The following LMO7 variants were observed in gnomAD, a reference collection of about 807,000 sequenced individuals.
LMO7 encodes the protein LIM domain 7.
In LMO7, 120 loss-of-function variants were observed where a neutral mutation model predicts 206.5. That is an observed-to-expected ratio of 0.58 (90% CI 0.50 to 0.68). The LOEUF (loss-of-function observed/expected upper bound fraction) is 0.68, where lower values mean the gene tolerates loss of function less well. Among genes scored for constraint, LMO7 ranks in the 30% least tolerant of loss-of-function variants. The probability of loss-of-function intolerance (pLI) is 0.00; values close to 1 mark genes in which losing one functional copy is unlikely to be tolerated. For synonymous variants in LMO7, 706 were observed against 681.5 expected, an observed-to-expected ratio of 1.04 and a Z score of -0.56; for missense variants, 1,959 against 1,957.9, an observed-to-expected ratio of 1.00 and a Z score of -0.01.
At chr13:75,709,431 C>A (rs2042908298) in intron 1 of LMO7, among the ~76,000 whole-genome samples, 2 of 151,684 alleles carry the variant, frequency 1.3e-5, no homozygotes, top group Non-Finnish European at 2.9e-5. Context: ...AAAAGTGTTC[C>A]TATTTCTCCA....
chr13:75,853,370 G>A lies in LMO7; in HGVS notation c.4643G>A (p.Gly1548Asp), dbSNP rs762403088. 1 of 1,605,364 alleles carries A rather than the reference G, an allele frequency of 6.2e-7. No individual in the cohort carries two copies. Among genetic ancestry groups the A allele is most frequent in the Non-Finnish European group, 8.5e-7 (1 of 1,175,568 alleles). ...CATTCCCCTTCAGCTTCACAGTCAG[G>A]CTCTCAGCTGCGTAACAGGTGAGGC... ...RSHSPSASQS[G>D]SQLRNRSVSG... The change falls in exon 28 of 31, where the codon GGC (glycine) becomes GAC (aspartate). Residue 1548 changes from glycine to aspartate, a missense_variant. Gly to Asp is a moderately conservative substitution (Grantham distance 94). Transcript: ENST00000377534.
chr13:75,654,488 AG>A (rs34823632), intron 1 of LMO7, among the ~76,000 whole-genome samples: 72,799 of 151,902 alleles, frequency 0.48, 18,270 homozygotes, highest in Admixed American at 0.6. Flanking sequence ...TAGAGCCTCT[AG>A]GTTGCAGCCT....
rs201407613 is a variant in LMO7, at chr13:75,804,379, A to G, written c.752A>G (p.Glu251Gly). ...TCGTATCGAAGGATTTCGGCTGTTGAGCCAAAGACTGCGTTACCCTTCAAT... is the reference window on the plus strand; with the variant it reads ...TCGTATCGAAGGATTTCGGCTGTTGGGCCAAAGACTGCGTTACCCTTCAAT... ...DMSYRRISAV[E>G]PKTALPFNRF... Residue 251 changes from glutamate (E) to glycine (G), a missense_variant, in exon 8 of 31, where the codon GAG becomes GGG. Transcript: ENST00000377534. 1.8e-5 allele frequency: 29 copies of G among 1,614,192 alleles called. No homozygotes were observed. The highest frequency in any genetic ancestry group is 1.5e-4 in the Admixed American group (9 of 60,028).
chr13:75,735,651 T>G (rs2045750991), intron 3 of LMO7, among the ~76,000 whole-genome samples: 1 of 151,400 alleles, frequency 6.6e-6, no homozygotes, highest in Non-Finnish European at 1.5e-5. Context: ...TTTGTATTTT[T>G]TTTTAGTAGA....
At chr13:75,720,454 T>C (rs1239106035) in intron 2 of LMO7, among the ~76,000 whole-genome samples, 1 of 152,244 alleles carries the variant, frequency 6.6e-6, no homozygotes, top group Non-Finnish European at 1.5e-5. Context: ...CTAGGAGTTT[T>C]AATAGTTTTT....
At chr13:75,760,047 T>C (rs1464168128) in intron 3 of LMO7, among the ~76,000 whole-genome samples, 1 of 150,864 alleles carries the variant, frequency 6.6e-6, no homozygotes, top group Non-Finnish European at 1.5e-5. Flanking sequence ...TAAAGTGTTT[T>C]CTTTTCTTCT....
At chr13:75,686,367 T>C (rs994900609) in intron 1 of LMO7, among the ~76,000 whole-genome samples, 12 of 152,054 alleles carry the variant, frequency 7.9e-5, no homozygotes, top group Admixed American at 2.0e-4. Context: ...TGAGACTTAA[T>C]CATCATCACG....
intron 3 of LMO7, among the ~76,000 whole-genome samples, chr13:75,749,807 C>T (rs1267507021): frequency 6.6e-6 from 1 of 151,588 alleles, no homozygotes; most frequent in East Asian, 1.9e-4. Flanking sequence ...TTGTTATCAG[C>T]AAATGGCTGA....
chr13:75,766,567 G>GGGCGATGGCCCTGTAAATTCACA (rs2048918875), intron 4 of LMO7, among the ~76,000 whole-genome samples: 3 of 150,966 alleles, frequency 2.0e-5, no homozygotes. Context: ...ATTATGACTG[G>GGGCGATGGCCCTGTAAATTCACA]GGAGATGGCC....
chr13:75,752,053 C>G (rs530547536), intron 3 of LMO7, among the ~76,000 whole-genome samples: 1 of 152,140 alleles, frequency 6.6e-6, no homozygotes, highest in Non-Finnish European at 1.5e-5. Flanking sequence ...TAAGAGAAAT[C>G]TGGAGCATAA....
intron 1 of LMO7, among the ~76,000 whole-genome samples, chr13:75,652,514 C>T: frequency 6.6e-6 from 1 of 152,070 alleles, no homozygotes; most frequent in East Asian, 1.9e-4. Context: ...TTCTGAGTCT[C>T]TTTGCTCTTG....
At chr13:75,647,113 C>T (rs916162376) in intron 1 of LMO7, among the ~76,000 whole-genome samples, 22 of 151,790 alleles carry the variant, frequency 1.4e-4, no homozygotes, top group Non-Finnish European at 2.6e-4. Flanking sequence ...TTGTTTATTC[C>T]GCTATTTCCG....
chr13:75,739,762 ATAATT>A (rs1168998183), intron 3 of LMO7, among the ~76,000 whole-genome samples: 2 of 152,188 alleles, frequency 1.3e-5, no homozygotes, highest in East Asian at 1.9e-4. Flanking sequence ...AATCTGCTGT[ATAATT>A]TAAATATTTC....
intron 3 of LMO7, among the ~76,000 whole-genome samples, chr13:75,742,857 G>A (rs1442911292): frequency 6.6e-6 from 1 of 152,088 alleles, no homozygotes; most frequent in Non-Finnish European, 1.5e-5. Context: ...TGCAACAAAA[G>A]CAAAAATTGA....
At chr13:75,764,694 A>C (rs1211116925) in intron 4 of LMO7, among the ~76,000 whole-genome samples, 2 of 152,164 alleles carry the variant, frequency 1.3e-5, no homozygotes, top group African/African-American at 2.4e-5. Context: ...TTTTAAGCTG[A>C]GAAATTGAAC....
At position 75,807,498 on chromosome 13, in the gene LMO7, G is replaced by A; in HGVS notation, c.1215G>A (p.Gln405=). 6.2e-7 allele frequency: 1 copy of A among 1,613,318 alleles called. No individual in the cohort carries two copies. The highest frequency in any genetic ancestry group is 1.1e-5 in the South Asian group (1 of 91,070). ...FQGFSQFLLL[Q]ALQTYSDDIL... ...GCATCAGTCAGTTTTTACTGCTTCA[G>A]GCCCTCCAAACATACTCTGATGACA... is the stretch of plus-strand genomic sequence containing the variant. Residue 405 remains glutamine (Q), a synonymous_variant, in exon 10 of 31, where the codon CAG becomes CAA. Transcript: ENST00000377534.
In LMO7 at chr13:75,759,231, T is replaced by C. The variant is rs546398660; in HGVS notation, c.211-1701T>C. 9.2e-5 allele frequency among the ~76,000 whole-genome samples: 14 copies of C among 152,212 alleles called. No homozygotes were observed. In the South Asian group the frequency reaches 1.9e-3, roughly 20 times the overall value. ...GCATGCAGGGATTACAGGTCCTTCA[T>C]TGACAAGTGAGGATTACAATTTCAG... On this transcript the variant is annotated intron_variant, in intron 3 of 30. Transcript: ENST00000377534.
intron 17 of LMO7, among the ~76,000 whole-genome samples, chr13:75,834,752 A>AAG (rs995539912): frequency 6.6e-6 from 1 of 152,182 alleles, no homozygotes; most frequent in Admixed American, 6.5e-5. Flanking sequence ...ATATTGGTAT[A>AAG]AGAGAGAGAG....
At chr13:75,665,767 T>A (rs1488831309) in intron 1 of LMO7, among the ~76,000 whole-genome samples, 1 of 152,186 alleles carries the variant, frequency 6.6e-6, no homozygotes, top group Non-Finnish European at 1.5e-5. Context: ...CCTCAGGTGA[T>A]CTGGCCGCCT....
Sources: allele counts gnomAD v4.1 joint callset (sites outside exome capture counted in the v4.1 genomes callset), GRCh38; gene constraint gnomAD v4.1.1; transcripts MANE v1.5; gene names NCBI Gene and HGNC (gene_info 2026-07-23, HGNC 2026-07-21).